HLA-DPB1: variants seen among roughly 807,000 people sequenced by gnomAD.
HLA-DPB1 encodes the protein HLA class II histocompatibility antigen, DP beta 1 chain.
A neutral mutation model predicts 29.4 loss-of-function variants in HLA-DPB1; 30 were observed. That is an observed-to-expected ratio of 1.02 (90% CI 0.76 to 1.38). The LOEUF (loss-of-function observed/expected upper bound fraction) is 1.38. HLA-DPB1 is among the 40% of genes most tolerant of loss of function. The pLI is 0.00. For synonymous variants in HLA-DPB1, 114 were observed against 134.0 expected (o/e 0.85, Z 1.03); for missense variants, 261 against 327.5 (o/e 0.80, Z 1.57).
rs1487625183 is a variant in HLA-DPB1, at chr6:33,088,633, C to T, written c.*2099C>T. ...ACCATCCAAACTGGGACCACCTTGT[C>T]ACTAGACTTCAAATTTTCAATATTG... On this transcript the variant is annotated 3_prime_UTR_variant, in exon 6 of 6. Transcript: ENST00000418931. Among the ~76,000 whole-genome samples, 1 of 152,048 alleles carries T rather than the reference C, an allele frequency of 6.6e-6. No homozygotes were observed. Among genetic ancestry groups the T allele is most frequent in the African/African-American group, 2.4e-5 (1 of 41,358 alleles).
rs1437398517 is a variant in HLA-DPB1, at chr6:33,080,521, G to A, written c.101-151G>A. 4.4e-6 allele frequency: 5 copies of A among 1,128,242 alleles called. No individual in the cohort carries two copies. In the South Asian group the frequency reaches 6.7e-5, roughly 15 times the overall value. The allele number at this position is 1,128,242 out of a possible 1,614,324, so 69.9% of individuals were successfully genotyped here. ...TGGAGAGGCTCTGCGACCCGCTTAG[G>A]ACCACAGAACTCGGTACTAGGAAAA... On this transcript the variant is annotated intron_variant, in intron 1 of 5. Coordinates refer to ENST00000418931, the MANE Select transcript of HLA-DPB1 (RefSeq NM_002121.6). This position sits in a 1 kb window ranked among gnomAD's most constrained non-coding sequence, Gnocchi z 4.3.
rs1562156941 is a variant in HLA-DPB1, at chr6:33,084,891, A to AGGAG, written c.365-56_365-55insGGGA. On this transcript the variant is annotated intron_variant, in intron 2 of 5. Coordinates refer to ENST00000418931, the MANE Select transcript of HLA-DPB1 (RefSeq NM_002121.6). ...AAGGAAGGAAGGAAGGAAGGAAGGA[A>AGGAG]GGAAGGAAAGAAGGACAATCTCAAA... is the stretch of plus-strand genomic sequence containing the variant. 2 of 626,010 alleles carry AGGAG rather than the reference A, an allele frequency of 3.2e-6. 1 individual carries two copies. The highest frequency in any genetic ancestry group is 1.2e-4 in the African/African-American group (2 of 16,440). The allele number at this position is 626,010 out of a possible 1,614,324, so 38.8% of individuals were successfully genotyped here. A position where few individuals can be genotyped will look rare whatever the true frequency, so the allele number is the denominator to read the frequency against.
At chr6:33,081,245 A>G (rs1236537156) in intron 2 of HLA-DPB1, 4 of 376,340 alleles carry the variant, frequency 1.1e-5, no homozygotes, top group South Asian at 7.1e-5. Context: ...TGGTGTGGAG[A>G]TGGAGGTGGA....
At chr6:33,078,358 G>A (rs974855524) in intron 1 of HLA-DPB1, among the ~76,000 whole-genome samples, 1 of 152,128 alleles carries the variant, frequency 6.6e-6, no homozygotes, top group African/African-American at 2.4e-5. Context: ...GGGCAGGGCT[G>A]ATTCCACAAT....
At position 33,083,103 on chromosome 6, in the gene HLA-DPB1, G is replaced by A. The variant is rs868106092; in HGVS notation, c.365-1847G>A. Reference sequence around the variant, plus strand: ...TAAGTTGAATAGTGTAATGGACATTGAGTTAACCGAGGTAATGAAGTAGTG... The same window carrying A: ...TAAGTTGAATAGTGTAATGGACATTAAGTTAACCGAGGTAATGAAGTAGTG... On this transcript the variant is annotated intron_variant, in intron 2 of 5. Transcript: ENST00000418931. Among the ~76,000 whole-genome samples the A allele has an allele frequency of 8.5e-5, 13 of 152,330 alleles. No homozygotes were observed. In the South Asian group the frequency reaches 2.5e-3, roughly 29 times the overall value.
intron 2 of HLA-DPB1, 83 bp downstream of exon 2, chr6:33,081,018 A>G (rs936636141): frequency 7.0e-7 from 1 of 1,419,020 alleles, no homozygotes; most frequent in Non-Finnish European, 9.3e-7. Context: ...GGTTGGCCTA[A>G]GGGACCTTAG....
intron 1 of HLA-DPB1, among the ~76,000 whole-genome samples, chr6:33,076,996 T>C (rs955507645): frequency 1.3e-5 from 2 of 151,996 alleles, no homozygotes; most frequent in Middle Eastern, 3.2e-3. Context: ...TGTATACATG[T>C]GCCATGTTGG....
At position 33,085,995 on chromosome 6, in the gene HLA-DPB1, G is replaced by T. The variant is rs9277477; in HGVS notation, c.757+106G>T. 3 of 806,498 alleles carry T rather than the reference G, an allele frequency of 3.7e-6. No individual in the cohort carries two copies. In the African/African-American group the frequency reaches 5.3e-5, roughly 14 times the overall value. 50.0% of individuals were successfully genotyped at this position (806,498 alleles called of 1,614,324 possible). Reference sequence around the variant, plus strand: ...AAAGAAATGTCAGAAAGCTCTAGAGGCCACTGATATCAGATAATCGGGGAA... The same window carrying T: ...AAAGAAATGTCAGAAAGCTCTAGAGTCCACTGATATCAGATAATCGGGGAA... On this transcript the variant is annotated intron_variant, in intron 4 of 5. Coordinates refer to ENST00000418931, the MANE Select transcript of HLA-DPB1 (RefSeq NM_002121.6).
chr6:33,080,678 A>G lies in HLA-DPB1; in HGVS notation c.107A>G (p.Tyr36Cys). The G allele has an allele frequency of 5.6e-6, 9 of 1,612,640 alleles. No individual in the cohort carries two copies. The highest frequency in any genetic ancestry group is 7.6e-6 in the Non-Finnish European group (9 of 1,179,480). The change falls in exon 2 of 6, where the codon TAC becomes TGC. Residue 36 changes from tyrosine to cysteine, a missense_variant. Physicochemically the swap from Tyr to Cys is radical, Grantham distance 194. Transcript: ENST00000418931. The surrounding 1 kb of genome is among the most constrained non-coding windows in gnomAD (Gnocchi z 4.3). ...VVQGRATPEN[Y>C]LFQGRQECYA... ...GTCCGCCCCCTCCCCGCAGAGAATT[A>G]CCTTTTCCAGGGACGGCAGGAATGC...
chr6:33,082,227 C>T (rs1762900003), intron 2 of HLA-DPB1: 1 of 152,198 alleles, frequency 6.6e-6, no homozygotes, highest in Admixed American at 6.5e-5. Context: ...AAAACTGTTA[C>T]TAAGACTTTG....
chr6:33,081,035 G>C, intron 2 of HLA-DPB1, 100 bp downstream of exon 2: 2 of 1,327,072 alleles, frequency 1.5e-6, no homozygotes, highest in Admixed American at 5.7e-5. Context: ...TTAGTGCCGG[G>C]CGGAAAGGGG....
In HLA-DPB1 at chr6:33,080,534, G is replaced by C; in HGVS notation, c.101-138G>C. On this transcript the variant is annotated intron_variant, in intron 1 of 5. Transcript: ENST00000418931. The surrounding 1 kb of genome is among the most constrained non-coding windows in gnomAD (Gnocchi z 4.3). The stretch of plus-strand genomic sequence containing the variant: ...CGACCCGCTTAGGACCACAGAACTC[G>C]GTACTAGGAAAACTCCTATTTTAAA... The C allele has an allele frequency of 7.9e-7, 1 of 1,265,622 alleles. No homozygotes were observed. The highest frequency in any genetic ancestry group is 1.1e-6 in the Non-Finnish European group (1 of 885,320). The allele number at this position is 1,265,622 out of a possible 1,614,324, so 78.4% of individuals were successfully genotyped here.
At chr6:33,084,897 G>GAAGT in intron 2 of HLA-DPB1, 53 bp from the exon 3 acceptor site, 1 of 767,814 alleles carries the variant, frequency 1.3e-6, no homozygotes, top group Non-Finnish European at 1.7e-6. Context: ...AGGAAGGAAG[G>GAAGT]AAAGAAGGAC....
rs555689479 is a variant in HLA-DPB1, at chr6:33,078,461, G to C, written c.101-2211G>C. 5.9e-5 allele frequency among the ~76,000 whole-genome samples: 9 copies of C among 152,280 alleles called. No individual in the cohort carries two copies. The East Asian group carries it at 1.7e-3, about 29-fold the overall frequency. ...AGGAGCCAGGCTATAGCTTAAAGAG[G>C]CTGGGGGAGAAAAGCTTGGCTGAGA... is the stretch of plus-strand genomic sequence containing the variant. On this transcript the variant is annotated intron_variant, in intron 1 of 5. Coordinates refer to ENST00000418931, the MANE Select transcript of HLA-DPB1 (RefSeq NM_002121.6).
chr6:33,084,021 A>G (rs921777247), intron 2 of HLA-DPB1: 6 of 142,754 alleles, frequency 4.2e-5, no homozygotes, highest in African/African-American at 1.4e-4. Context: ...TTCTGTAAAT[A>G]TGAAGATTTT....
In HLA-DPB1 at chr6:33,089,574, G is replaced by T. The variant is rs9501263; in HGVS notation, c.*3040G>T. Among the ~76,000 whole-genome samples, 1 of 152,078 alleles carries T rather than the reference G, an allele frequency of 6.6e-6. No homozygotes were observed. The highest frequency in any genetic ancestry group is 1.5e-5 in the Non-Finnish European group (1 of 68,020). ...CCCTCCTAGAAAGAACACACTTCTC[G>T]CATTTCATTTTCCAATGTAAATCAT... On this transcript the variant is annotated 3_prime_UTR_variant, in exon 6 of 6. Transcript: ENST00000418931.
intron 1 of HLA-DPB1, among the ~76,000 whole-genome samples, chr6:33,077,840 G>A (rs1762624378): frequency 2.0e-5 from 3 of 152,134 alleles, no homozygotes; most frequent in African/African-American, 7.2e-5. Context: ...GGAATCTCCT[G>A]AATACAGCCC....
chr6:33,086,858 AAAG>A lies in HLA-DPB1; in HGVS notation c.*328_*330del. ...GTTTTAGTAGACAGTAGGAGTTAAT[AAAG>A]AAGTTCATTTTGGTTTAAACATAGG... On this transcript the variant is annotated 3_prime_UTR_variant, in exon 6 of 6. Transcript: ENST00000418931. 3 of 295,806 alleles carry A rather than the reference AAAG, an allele frequency of 1.0e-5. No individual in the cohort carries two copies. The highest frequency in any genetic ancestry group is 2.0e-5 in the Non-Finnish European group (3 of 150,024). 18.3% of individuals were successfully genotyped at this position (295,806 alleles called of 1,614,324 possible). A position where few individuals can be genotyped will look rare whatever the true frequency, so the allele number is the denominator to read the frequency against.
At chr6:33,081,403 G>A (rs1454818263) in intron 2 of HLA-DPB1, among the ~76,000 whole-genome samples, 3 of 152,082 alleles carry the variant, frequency 2.0e-5, no homozygotes, top group Non-Finnish European at 2.9e-5. Flanking sequence ...ACCATCCAGG[G>A]AGAGGGGACC....
Sources: allele counts gnomAD v4.1 joint callset (sites outside exome capture counted in the v4.1 genomes callset), GRCh38; gene constraint gnomAD v4.1.1; non-coding constraint Gnocchi (gnomAD v3.1); transcripts MANE v1.5; gene names NCBI Gene and HGNC (gene_info 2026-07-23, HGNC 2026-07-21).